The following BCL2L11 variants were observed in gnomAD, a reference collection of about 807,000 sequenced individuals.
BCL2L11 encodes bcl-2-like protein 11.
In BCL2L11, 15 loss-of-function variants were observed where a neutral mutation model predicts 20.6. The ratio of observed to expected loss-of-function variants is 0.73; its 90% CI spans 0.49 to 1.12. The LOEUF (loss-of-function observed/expected upper bound fraction) is 1.12, where lower values mean the gene tolerates loss of function less well. BCL2L11 is among the 50% of genes most tolerant of loss of function. BCL2L11 has a pLI of 0.00. For synonymous variants in BCL2L11, 108 were observed against 92.8 expected (o/e 1.16, Z -0.94); for missense variants, 292 against 260.9 (o/e 1.12, Z -0.82).
At chr2:111,128,728 C>A (rs1471823606) in intron 2 of BCL2L11, 4 of 1,548,974 alleles carry the variant, frequency 2.6e-6, no homozygotes, top group Non-Finnish European at 3.5e-6. Context: ...TACAGAACAA[C>A]TCAACCACAA....
In BCL2L11 at chr2:111,164,884, A is replaced by G. The variant is rs2078953781; in HGVS notation, c.*653A>G. On this transcript the variant is annotated 3_prime_UTR_variant, in exon 4 of 4. Coordinates refer to ENST00000393256, the MANE Select transcript of BCL2L11 (RefSeq NM_138621.5). The stretch of plus-strand genomic sequence containing the variant: ...CAGCCTGCATTGATATACCAGTCCC[A>G]TTTGTAAATATTTACGTACCTTTAT... 6.6e-6 allele frequency: 1 copy of G among 152,500 alleles called. No homozygotes were observed. Among genetic ancestry groups the G allele is most frequent in the Non-Finnish European group, 1.5e-5 (1 of 68,038 alleles). The allele number at this position is 152,500 out of a possible 1,614,324, so 9.4% of individuals were successfully genotyped here.
At position 111,121,101 on chromosome 2, in the gene BCL2L11, G is replaced by A; in HGVS notation, c.-101G>A. On this transcript the variant is annotated 5_prime_UTR_variant, in exon 1 of 4. Transcript: ENST00000393256. ...GCATCATCGCGGTATTCGGTTCGCT[G>A]CGTTCCCGCCGCCACCGCCTCGGCG... is the stretch of plus-strand genomic sequence containing the variant. 3.3e-6 allele frequency: 1 copy of A among 300,994 alleles called. No individual in the cohort carries two copies. 18.6% of individuals were successfully genotyped at this position (300,994 alleles called of 1,614,324 possible). A position where few individuals can be genotyped will look rare whatever the true frequency, so the allele number is the denominator to read the frequency against.
At chr2:111,161,305 T>C in intron 3 of BCL2L11, 1 of 1,306,816 alleles carries the variant, frequency 7.7e-7, no homozygotes, top group Non-Finnish European at 1.1e-6. Context: ...CTTCCCTGAT[T>C]GTATTTATTT....
chr2:111,123,004 T>G (rs1239620175), intron 1 of BCL2L11: 1 of 984,658 alleles, frequency 1.0e-6, no homozygotes, highest in African/African-American at 1.7e-5. Context: ...TCGCCTAGCC[T>G]GCGGACCTAG....
intron 2 of BCL2L11, among the ~76,000 whole-genome samples, chr2:111,143,803 G>T (rs886447590): frequency 6.6e-6 from 1 of 152,070 alleles, no homozygotes; most frequent in Non-Finnish European, 1.5e-5. Context: ...TGTGTGTCGG[G>T]GACAGCTCTG....
intron 2 of BCL2L11, among the ~76,000 whole-genome samples, chr2:111,134,974 G>A (rs147520505): frequency 8.9e-4 from 136 of 152,332 alleles, no homozygotes; most frequent in African/African-American, 3.1e-3. Flanking sequence ...GATGTGTCTT[G>A]TCATGGGTTC....
chr2:111,165,800 A>G lies in BCL2L11; in HGVS notation c.*1569A>G, dbSNP rs1206770282. The G allele has an allele frequency of 6.6e-6, 1 of 152,236 alleles. No homozygotes were observed. The highest frequency in any genetic ancestry group is 1.9e-4 in the East Asian group (1 of 5,198). 9.4% of individuals were successfully genotyped at this position (152,236 alleles called of 1,614,324 possible). A position where few individuals can be genotyped will look rare whatever the true frequency, so the allele number is the denominator to read the frequency against. ...TTAAAAGAAATAACTAAATTTTCAA[A>G]TGAGTAAGCAGTGCCACCAACTAGT... On this transcript the variant is annotated 3_prime_UTR_variant, in exon 4 of 4. Transcript: ENST00000393256.
At chr2:111,121,635 T>C (rs1441436669) in intron 1 of BCL2L11, among the ~76,000 whole-genome samples, 1 of 152,156 alleles carries the variant, frequency 6.6e-6, no homozygotes, top group East Asian at 1.9e-4. Flanking sequence ...TCTTGGTTTT[T>C]TGGGGCGCGT....
chr2:111,136,672 C>G (rs1188552979), intron 2 of BCL2L11, among the ~76,000 whole-genome samples: 5 of 152,074 alleles, frequency 3.3e-5, no homozygotes, highest in Non-Finnish European at 5.9e-5. Flanking sequence ...GCTGTGTCCT[C>G]GAGTGATAGA....
At chr2:111,130,044 CA>C in intron 2 of BCL2L11, 1 of 351,306 alleles carries the variant, frequency 2.8e-6, no homozygotes. Flanking sequence ...CATGTTCTGG[CA>C]AGGCCCTGGC....
intron 3 of BCL2L11, among the ~76,000 whole-genome samples, chr2:111,156,173 C>T (rs1174633508): frequency 6.6e-6 from 1 of 152,032 alleles, no homozygotes; most frequent in Non-Finnish European, 1.5e-5. Context: ...GTGTTCTCAG[C>T]GTACTTTGGA....
rs2070803659 is a variant in BCL2L11, at chr2:111,121,121, T to C, written c.-81T>C. 1 of 280,396 alleles carries C rather than the reference T, an allele frequency of 3.6e-6. No individual in the cohort carries two copies. The highest frequency in any genetic ancestry group is 6.7e-6 in the Non-Finnish European group (1 of 149,998). The allele number at this position is 280,396 out of a possible 1,614,324, so 17.4% of individuals were successfully genotyped here. ...TCGCTGCGTTCCCGCCGCCACCGCCTCGGCGCCCTTTCTTGGCCCTTGTTC... is the reference window on the plus strand; with the variant it reads ...TCGCTGCGTTCCCGCCGCCACCGCCCCGGCGCCCTTTCTTGGCCCTTGTTC... On this transcript the variant is annotated 5_prime_UTR_variant, in exon 1 of 4. Transcript: ENST00000393256.
chr2:111,162,602 A>G (rs1359581932), intron 3 of BCL2L11, among the ~76,000 whole-genome samples: 1 of 152,176 alleles, frequency 6.6e-6, no homozygotes, highest in Non-Finnish European at 1.5e-5. Context: ...ACCAAGTGTC[A>G]GCAGTTGGGG....
In BCL2L11 at chr2:111,123,750, C is replaced by T; in HGVS notation, c.5C>T (p.Ala2Val). 7.2e-7 allele frequency: 1 copy of T among 1,386,290 alleles called. No individual in the cohort carries two copies. Among genetic ancestry groups the T allele is most frequent in the Non-Finnish European group, 9.4e-7 (1 of 1,063,078 alleles). 85.9% of individuals were successfully genotyped at this position (1,386,290 alleles called of 1,614,324 possible). Residue 2 changes from alanine (A) to valine (V), a missense_variant, in exon 2 of 4, where the codon GCA becomes GTA. Ala to Val is a moderately conservative substitution (Grantham distance 64). Transcript: ENST00000393256. ...ACTTGCAGAAAAAAAGACCAAATGG[C>T]AAAGCAACCTTCTGATGTAAGTTCT... M[A>V]KQPSDVSSEC...
chr2:111,145,920 C>CTTTTTTTTTT (rs58738963), intron 2 of BCL2L11: 1 of 671,376 alleles, frequency 1.5e-6, no homozygotes, highest in Non-Finnish European at 1.8e-6. Flanking sequence ...TAGTGGCTTT[C>CTTTTTTTTTT]TTTTTTTTTT....
chr2:111,124,238 C>G (rs2150148510), intron 2 of BCL2L11, 99 bp downstream of exon 2: 2 of 1,335,812 alleles, frequency 1.5e-6, no homozygotes, highest in South Asian at 1.5e-5. Flanking sequence ...AACCCCGTAA[C>G]TGATTTATTC....
In BCL2L11 at chr2:111,164,816, T is replaced by A. The variant is rs2078950072; in HGVS notation, c.*585T>A. The A allele has an allele frequency of 6.5e-6, 1 of 152,776 alleles. No individual in the cohort carries two copies. Among genetic ancestry groups the A allele is most frequent in the African/African-American group, 2.4e-5 (1 of 41,476 alleles). The allele number at this position is 152,776 out of a possible 1,614,324, so 9.5% of individuals were successfully genotyped here. ...AAATTATTTTTAATACCAAAAGAGT[T>A]CTTTTGAAATGGAACTGATTAAAAG... is the stretch of plus-strand genomic sequence containing the variant. On this transcript the variant is annotated 3_prime_UTR_variant, in exon 4 of 4. Coordinates refer to ENST00000393256, the MANE Select transcript of BCL2L11 (RefSeq NM_138621.5).
chr2:111,150,853 C>T (rs1004090042), intron 3 of BCL2L11, among the ~76,000 whole-genome samples: 8 of 152,042 alleles, frequency 5.3e-5, no homozygotes, highest in Non-Finnish European at 1.0e-4. Context: ...TGTAGGTGAC[C>T]ATTTGGACAC....
chr2:111,147,390 A>ACACACACACCCC (rs1039299406), intron 2 of BCL2L11, among the ~76,000 whole-genome samples: 1 of 138,256 alleles, frequency 7.2e-6, no homozygotes, highest in East Asian at 2.2e-4. Context: ...ACACACACAC[A>ACACACACACCCC]CCCGCCATTT....
Sources: allele counts gnomAD v4.1 joint callset (sites outside exome capture counted in the v4.1 genomes callset), GRCh38; gene constraint gnomAD v4.1.1; transcripts MANE v1.5; gene names NCBI Gene and HGNC (gene_info 2026-07-23, HGNC 2026-07-21).